The following PTBP3 variants were observed in gnomAD, a reference collection of about 807,000 sequenced individuals.
PTBP3 encodes polypyrimidine tract-binding protein 3.
Under a neutral mutation model 58.7 loss-of-function variants are expected in PTBP3, and 20 were observed. The ratio of observed to expected loss-of-function variants is 0.34; its 90% confidence interval spans 0.24 to 0.50. The LOEUF (loss-of-function observed/expected upper bound fraction) is 0.50, where lower values mean the gene tolerates loss of function less well. Among genes scored for constraint, PTBP3 ranks in the 20% least tolerant of loss-of-function variants. PTBP3 has a pLI of 0.98. For missense variants in PTBP3, 509 were observed against 637.2 expected (o/e 0.80, Z 2.17); for synonymous variants, 185 against 219.8 (o/e 0.84, Z 1.40).
upstream of PTBP3, among the ~76,000 whole-genome samples, chr9:112,337,173 G>A (rs1361340145): frequency 6.6e-6 from 1 of 152,192 alleles, no homozygotes; most frequent in Admixed American, 6.5e-5. Context: ...GGGATTAGAA[G>A]CGTGCACCAC....
At chr9:112,261,544 T>G (rs1298281870) in intron 5 of PTBP3, among the ~76,000 whole-genome samples, 1 of 152,132 alleles carries the variant, frequency 6.6e-6, no homozygotes, top group Non-Finnish European at 1.5e-5. Context: ...AAGGCATGAC[T>G]CTGTCAAATG....
Position 112,222,852 on chromosome 9 carries a change from T to C in PTBP3, c.*999A>G, listed in dbSNP as rs145517743. ...GTAATTCTGAGTAAGTATTAGAGATTATAGTGGTACAAAAAACCCTTGAGA... is the reference window on the plus strand; with the variant it reads ...GTAATTCTGAGTAAGTATTAGAGATCATAGTGGTACAAAAAACCCTTGAGA... On this transcript the variant is annotated 3_prime_UTR_variant, in exon 14 of 14. Coordinates refer to ENST00000374257, the MANE Select transcript of PTBP3 (RefSeq NM_001163788.4). The C allele has an allele frequency of 2.2e-6, 2 of 893,618 alleles. No individual in the cohort carries two copies. Among genetic ancestry groups the C allele is most frequent in the East Asian group, 2.4e-4 (2 of 8,344 alleles). 55.4% of individuals were successfully genotyped at this position (893,618 alleles called of 1,614,324 possible).
intron 3 of PTBP3, among the ~76,000 whole-genome samples, chr9:112,269,428 T>C (rs918109301): frequency 3.9e-5 from 6 of 152,308 alleles, no homozygotes; most frequent in African/African-American, 1.2e-4. Context: ...CAGCCATTTA[T>C]GAATAAAATT....
chr9:112,274,078 TA>T (rs1347189624), intron 3 of PTBP3, among the ~76,000 whole-genome samples: 6 of 152,184 alleles, frequency 3.9e-5, no homozygotes, highest in Admixed American at 3.3e-4. Flanking sequence ...GCAATTGTGT[TA>T]AAATAACGAT....
chr9:112,303,554 C>T (rs1196110122), intron 1 of PTBP3, among the ~76,000 whole-genome samples: 1 of 152,130 alleles, frequency 6.6e-6, no homozygotes, highest in Non-Finnish European at 1.5e-5. Flanking sequence ...TCAATACAAT[C>T]GCATGGGCAG....
At chr9:112,333,809 C>T (rs1830494936), upstream of PTBP3, 1 of 230,842 alleles carries the variant, frequency 4.3e-6, no homozygotes, top group East Asian at 8.7e-5. Flanking sequence ...TCTGGGGCGC[C>T]CTCTTCCCGC....
chr9:112,356,524 C>A, the PTBP3 span, among the ~76,000 whole-genome samples: 1 of 151,098 alleles, frequency 6.6e-6, no homozygotes, highest in Non-Finnish European at 1.5e-5. Context: ...TGCAATAATT[C>A]CACAACTCTT....
rs944824490 is a variant in PTBP3, at chr9:112,222,083, G to A, written c.*1768C>T. The A allele has an allele frequency of 1.5e-5, 15 of 982,784 alleles. No homozygotes were observed. The highest frequency in any genetic ancestry group is 8.8e-5 in the African/African-American group (5 of 57,126). The allele number at this position is 982,784 out of a possible 1,614,324, so 60.9% of individuals were successfully genotyped here. A position where few individuals can be genotyped will look rare whatever the true frequency, so the allele number is the denominator to read the frequency against. ...TAGCTGGGACTACAGGCGCACAGGC[G>A]CACACCACCATGCCCAGCAAGATAT... On this transcript the variant is annotated 3_prime_UTR_variant, in exon 14 of 14. Transcript: ENST00000374257.
the PTBP3 span, among the ~76,000 whole-genome samples, chr9:112,354,417 A>C: frequency 6.6e-6 from 1 of 152,254 alleles, no homozygotes; most frequent in South Asian, 2.1e-4. Flanking sequence ...CAGAAAAACA[A>C]AACAAAACAA....
chr9:112,264,363 A>G (rs1203377178), intron 4 of PTBP3, among the ~76,000 whole-genome samples: 2 of 152,122 alleles, frequency 1.3e-5, no homozygotes, highest in East Asian at 3.8e-4. Flanking sequence ...TACAATAATG[A>G]CTCCTATTAA....
At position 112,230,726 on chromosome 9, in the gene PTBP3, AATC is replaced by A. The variant is rs1413068318; in HGVS notation, c.1054+651_1054+653del. Among the ~76,000 whole-genome samples the A allele has an allele frequency of 2.0e-5, 3 of 152,362 alleles. No individual in the cohort carries two copies. The East Asian group carries it at 5.8e-4, about 29-fold the overall frequency. ...TTAATCATACTGCTCATTAGATGTT[AATC>A]ATGTTTTATGGAAAAATAAACTGTC... On this transcript the variant is annotated intron_variant, in intron 10 of 13. Transcript: ENST00000374257.
intron 7 of PTBP3, among the ~76,000 whole-genome samples, chr9:112,246,550 G>A (rs1254257453): frequency 2.0e-5 from 3 of 151,672 alleles, no homozygotes; most frequent in Non-Finnish European, 4.4e-5. Flanking sequence ...AAAATTAGCC[G>A]GGCATAGTGG....
chr9:112,271,473 T>C (rs1302124844), intron 3 of PTBP3, among the ~76,000 whole-genome samples: 1 of 152,146 alleles, frequency 6.6e-6, no homozygotes, highest in Non-Finnish European at 1.5e-5. Context: ...ATGATCCCAA[T>C]ACTTTGGGAG....
upstream of PTBP3, among the ~76,000 whole-genome samples, chr9:112,334,431 A>G (rs1012134772): frequency 6.6e-6 from 1 of 152,168 alleles, no homozygotes; most frequent in African/African-American, 2.4e-5. Context: ...CAACCAGGAA[A>G]CGTTTGCACC....
Position 112,220,707 on chromosome 9 carries a change from C to A in PTBP3, c.*3144G>T. On this transcript the variant is annotated 3_prime_UTR_variant, in exon 14 of 14. Coordinates refer to ENST00000374257, the MANE Select transcript of PTBP3 (RefSeq NM_001163788.4). The stretch of plus-strand genomic sequence containing the variant: ...GTCATTTTTCTATTTGTATGTTACA[C>A]AAAACACATTTTACTGCTATGCAAA... 1 of 985,132 alleles carries A rather than the reference C, an allele frequency of 1.0e-6. No homozygotes were observed. The highest frequency in any genetic ancestry group is 1.2e-6 in the Non-Finnish European group (1 of 829,360). 61.0% of individuals were successfully genotyped at this position (985,132 alleles called of 1,614,324 possible).
At chr9:112,280,757 CTGTGTGTGTA>C (rs1370598694) in intron 2 of PTBP3, among the ~76,000 whole-genome samples, 1 of 69,686 alleles carries the variant, frequency 1.4e-5, no homozygotes, top group Non-Finnish European at 2.6e-5. Context: ...ACGTGTGTGT[CTGTGTGTGTA>C]TGTGTGTGTG....
chr9:112,309,457 T>C (rs574935037), intron 1 of PTBP3, among the ~76,000 whole-genome samples: 11 of 152,290 alleles, frequency 7.2e-5, no homozygotes, highest in Admixed American at 2.6e-4. Context: ...CAATGTTTCA[T>C]ATATAATCGA....
intron 7 of PTBP3, among the ~76,000 whole-genome samples, chr9:112,240,888 TGAAAAAAGTTTAATA>T (rs967647591): frequency 7.3e-4 from 111 of 152,124 alleles, no homozygotes; most frequent in Non-Finnish European, 1.3e-3. Flanking sequence ...AACTAAAAGT[TGAAAAAAGTTTAATA>T]GAAAAAAGTT....
chr9:112,330,327 A>G (rs775996064), intron 1 of PTBP3: 1 of 758,910 alleles, frequency 1.3e-6, no homozygotes, highest in Non-Finnish European at 2.1e-6. Flanking sequence ...TTTGGAGCTA[A>G]GTAAAAATTA....
Sources: allele counts gnomAD v4.1 joint callset (sites outside exome capture counted in the v4.1 genomes callset), GRCh38; gene constraint gnomAD v4.1.1; transcripts MANE v1.5; gene names NCBI Gene and HGNC (gene_info 2026-07-23, HGNC 2026-07-21).